The following FAM227A variants were observed in gnomAD, a reference collection of about 807,000 sequenced individuals.
The protein encoded by FAM227A is protein FAM227A.
In FAM227A, 80 loss-of-function variants were observed where a neutral mutation model predicts 74.7. The ratio of observed to expected loss-of-function variants is 1.07; its 90% CI spans 0.89 to 1.29. The LOEUF is 1.29. FAM227A is among the 50% of genes most tolerant of loss of function. The probability of loss-of-function intolerance (pLI) is 0.00; values close to 1 mark genes in which losing one functional copy is unlikely to be tolerated. For missense variants in FAM227A, 654 were observed against 683.4 expected (o/e 0.96, Z 0.48); for synonymous variants, 237 against 241.8 (o/e 0.98, Z 0.19).
In FAM227A at chr22:38,582,420, G is replaced by A; in HGVS notation, c.*3705C>T. 1 of 1,549,700 alleles carries A rather than the reference G, an allele frequency of 6.5e-7. No individual in the cohort carries two copies. Among genetic ancestry groups the A allele is most frequent in the Non-Finnish European group, 8.7e-7 (1 of 1,146,310 alleles). On this transcript the variant is annotated 3_prime_UTR_variant, in exon 17 of 17. Transcript: ENST00000535113. ...AGCAACACTGGGAATGACAGAATTA[G>A]AATATCATACAATTACTCATTTGCT...
At chr22:38,607,875 C>CT (rs921087371) in intron 11 of FAM227A, among the ~76,000 whole-genome samples, 8 of 152,126 alleles carry the variant, frequency 5.3e-5, no homozygotes, top group African/African-American at 1.9e-4. Context: ...ATGCAATCAC[C>CT]TTTTTCAGCA....
chr22:38,644,059 T>C (rs1424603001), intron 3 of FAM227A, among the ~76,000 whole-genome samples: 2 of 141,846 alleles, frequency 1.4e-5, no homozygotes, highest in Non-Finnish European at 3.0e-5. Context: ...GGCAGGAGAA[T>C]GGTGTGAACC....
rs1272194081 is a variant in FAM227A, at chr22:38,626,279, C to T, written c.751G>A (p.Ala251Thr). The change falls in exon 9 of 17, where the codon GCC (alanine) becomes ACC (threonine). Residue 251 changes from alanine to threonine, a missense_variant. Transcript: ENST00000535113. ...LKRLPSLLSK[A>T]VYTSFCCCFP... ...CAGCAACAGAAGCTGGTGTACACGG[C>T]TTTGCTGAGAAGTGATGGCAGCCTC... 24 of 1,551,398 alleles carry T rather than the reference C, an allele frequency of 1.5e-5. No homozygotes were observed. The highest frequency in any genetic ancestry group is 2.0e-5 in the Non-Finnish European group (23 of 1,146,894).
chr22:38,614,592 T>C (rs529274162), intron 11 of FAM227A, among the ~76,000 whole-genome samples: 3 of 152,322 alleles, frequency 2.0e-5, no homozygotes, highest in African/African-American at 4.8e-5. Flanking sequence ...GGAAAACGTG[T>C]CTGCTCTTGA....
At chr22:38,599,108 A>G (rs1053073792) in intron 14 of FAM227A, among the ~76,000 whole-genome samples, 2 of 151,878 alleles carry the variant, frequency 1.3e-5, no homozygotes, top group Admixed American at 6.6e-5. Flanking sequence ...ACAGGCACGC[A>G]CCACCAGGCC....
intron 15 of FAM227A, among the ~76,000 whole-genome samples, chr22:38,594,711 C>T (rs1034412219): frequency 9.9e-5 from 15 of 152,046 alleles, no homozygotes; most frequent in African/African-American, 3.6e-4. Context: ...GCCTGTAATC[C>T]CAGCACTTTG....
intron 15 of FAM227A, among the ~76,000 whole-genome samples, chr22:38,594,385 C>T (rs190186663): frequency 1.3e-4 from 20 of 152,302 alleles, no homozygotes; most frequent in Admixed American, 1.1e-3. Context: ...CCTCAGCTTC[C>T]ACATCTGTAA....
At chr22:38,621,746 G>C (rs1320164857) in intron 10 of FAM227A, among the ~76,000 whole-genome samples, 1 of 152,170 alleles carries the variant, frequency 6.6e-6, no homozygotes, top group Admixed American at 6.5e-5. Flanking sequence ...CATGCTTCTA[G>C]ATCACTGGAA....
chr22:38,629,489 G>C (rs2091874425), intron 6 of FAM227A, among the ~76,000 whole-genome samples: 1 of 152,208 alleles, frequency 6.6e-6, no homozygotes, highest in Non-Finnish European at 1.5e-5. Context: ...ATCTGCCCCA[G>C]GGCTAACACC....
intron 16 of FAM227A, among the ~76,000 whole-genome samples, chr22:38,590,547 G>A (rs2090910166): frequency 6.6e-6 from 1 of 152,148 alleles, no homozygotes; most frequent in Non-Finnish European, 1.5e-5. Context: ...GGTCTAATAT[G>A]CCTGCAGATG....
chr22:38,613,097 A>T (rs1393521007), intron 11 of FAM227A, among the ~76,000 whole-genome samples: 6 of 93,920 alleles, frequency 6.4e-5, no homozygotes, highest in African/African-American at 9.1e-5. Context: ...TATATATATT[A>T]TATATAATTA....
chr22:38,617,403 C>A (rs2091601576), intron 11 of FAM227A, among the ~76,000 whole-genome samples: 1 of 150,494 alleles, frequency 6.6e-6, no homozygotes, highest in Non-Finnish European at 1.5e-5. Flanking sequence ...TAAAGCAAAT[C>A]TCTTGCCTCA....
At chr22:38,641,695 G>A (rs1483097778) in intron 3 of FAM227A, among the ~76,000 whole-genome samples, 1 of 126,422 alleles carries the variant, frequency 7.9e-6, no homozygotes, top group South Asian at 2.6e-4. Flanking sequence ...CTTTAGTAGC[G>A]ACTTGTTGGT....
At chr22:38,635,850 T>A (rs928757993) in intron 6 of FAM227A, among the ~76,000 whole-genome samples, 18 of 151,798 alleles carry the variant, frequency 1.2e-4, no homozygotes, top group African/African-American at 3.4e-4. Context: ...AAAATTTTTT[T>A]AAAAACTAGC....
At chr22:38,627,828 T>C (rs1258410798) in intron 8 of FAM227A, among the ~76,000 whole-genome samples, 1 of 152,196 alleles carries the variant, frequency 6.6e-6, no homozygotes, top group Non-Finnish European at 1.5e-5. Flanking sequence ...GGTCTTAAAC[T>C]CCTGACCTCA....
intron 14 of FAM227A, among the ~76,000 whole-genome samples, chr22:38,597,781 G>A (rs528497704): frequency 2.6e-5 from 4 of 151,970 alleles, no homozygotes; most frequent in East Asian, 1.9e-4. Flanking sequence ...TTGGCCAGGC[G>A]CGGTGTAATC....
chr22:38,619,959 G>A (rs2091652361), intron 11 of FAM227A, among the ~76,000 whole-genome samples: 1 of 152,196 alleles, frequency 6.6e-6, no homozygotes, highest in Non-Finnish European at 1.5e-5. Context: ...AGCCTACACT[G>A]AAAACCTGGT....
chr22:38,631,216 A>G (rs1244467031), intron 6 of FAM227A, among the ~76,000 whole-genome samples: 1 of 152,174 alleles, frequency 6.6e-6, no homozygotes, highest in Non-Finnish European at 1.5e-5. Flanking sequence ...ATAAAAAAAG[A>G]ATGATATCGT....
At position 38,612,037 on chromosome 22, in the gene FAM227A, A is replaced by C. The variant is rs573216368; in HGVS notation, c.1039-4561T>G. 1.1e-4 allele frequency among the ~76,000 whole-genome samples: 16 copies of C among 151,872 alleles called. No individual in the cohort carries two copies. The South Asian group carries it at 2.1e-3, about 20-fold the overall frequency. On this transcript the variant is annotated intron_variant, in intron 11 of 16. Coordinates refer to ENST00000535113, the MANE Select transcript of FAM227A (RefSeq NM_001013647.2). Reference sequence around the variant, plus strand: ...CTTCTCCTCCCCACTCCCAAAGCCAACCCACTAGCAAGTGTTGAAAGATCC... The same window carrying C: ...CTTCTCCTCCCCACTCCCAAAGCCACCCCACTAGCAAGTGTTGAAAGATCC...
Sources: gnomAD v4.1 joint callset for allele counts (sites outside exome capture counted in the v4.1 genomes callset) on GRCh38, gnomAD v4.1.1 for gene constraint, MANE v1.5 for transcripts, NCBI Gene and HGNC (gene_info 2026-07-23, HGNC 2026-07-21) for gene names.